ANK3: variants seen among roughly 807,000 people sequenced by gnomAD.
ANK3 encodes the protein ankyrin 3.
Under a neutral mutation model 370.9 loss-of-function variants are expected in ANK3, and 57 were observed. The observed-to-expected ratio is 0.15, with a 90% CI of 0.12 to 0.19. The LOEUF (loss-of-function observed/expected upper bound fraction) is 0.19, where lower values mean the gene tolerates loss of function less well. Among genes scored for constraint, ANK3 ranks in the 10% least tolerant of loss-of-function variants. ANK3 has a pLI of 1.00. For synonymous variants in ANK3, 1,929 were observed against 1,946.3 expected, an observed-to-expected ratio of 0.99 and a Z score of 0.23; for missense variants, 4,439 against 5,302.1, an observed-to-expected ratio of 0.84 and a Z score of 5.06.
chr10:60,097,879 A>G (rs2090450980), intron 28 of ANK3, among the ~76,000 whole-genome samples: 1 of 152,178 alleles, frequency 6.6e-6, no homozygotes, highest in Non-Finnish European at 1.5e-5. Context: ...ATCAGGGTTA[A>G]TTTCTAGTCA....
At chr10:60,234,522 A>C (rs914511293) in intron 8 of ANK3, among the ~76,000 whole-genome samples, 166 bp downstream of exon 8, 1 of 152,230 alleles carries the variant, frequency 6.6e-6, no homozygotes, top group African/African-American at 2.4e-5. Context: ...ATATAGATGG[A>C]TGGCCATACC....
At chr10:60,432,392 T>A (rs914009944) in intron 2 of ANK3, among the ~76,000 whole-genome samples, 2 of 152,170 alleles carry the variant, frequency 1.3e-5, no homozygotes, top group Non-Finnish European at 1.5e-5. Flanking sequence ...CACAAAGGTA[T>A]TCTCTGAAGG....
At chr10:60,192,139 G>A (rs955860696) in intron 16 of ANK3, among the ~76,000 whole-genome samples, 6 of 151,898 alleles carry the variant, frequency 4.0e-5, no homozygotes, top group Admixed American at 6.6e-5. Flanking sequence ...TGATCCACCC[G>A]TCTCAGTCTT....
At chr10:60,043,449 C>T in intron 42 of ANK3, 2 of 984,952 alleles carry the variant, frequency 2.0e-6, no homozygotes, top group Non-Finnish European at 2.4e-6. Context: ...GGGTAGAGAT[C>T]TGAGAAACAA....
At chr10:60,105,050 A>G (rs2091971556) in intron 28 of ANK3, among the ~76,000 whole-genome samples, 2 of 152,202 alleles carry the variant, frequency 1.3e-5, no homozygotes, top group African/African-American at 4.8e-5. Context: ...CAGTGAATTG[A>G]AAAAGAGTGG....
chr10:60,375,449 T>C (rs995773270), intron 1 of ANK3, among the ~76,000 whole-genome samples: 2 of 147,730 alleles, frequency 1.4e-5, no homozygotes, highest in African/African-American at 5.1e-5. Flanking sequence ...GCACTGCCAG[T>C]GGGAGGCCTT....
intron 16 of ANK3, among the ~76,000 whole-genome samples, chr10:60,194,891 A>G (rs935069615): frequency 1.3e-5 from 2 of 152,338 alleles, no homozygotes; most frequent in South Asian, 2.1e-4. Context: ...AAAATGATCG[A>G]AAGTTTCCAG....
rs538064293 is a variant in ANK3, at chr10:60,717,180, T to A, written c.57+16083A>T. On this transcript the variant is annotated intron_variant, in intron 1 of 43. Transcript: ENST00000373827. ...GTAAAGAAAAAATAATACCATGCTG[T>A]GAAAAGTTTAGAAAGTGAGCTCTCT... 2.6e-5 allele frequency among the ~76,000 whole-genome samples: 4 copies of A among 152,310 alleles called. No homozygotes were observed. The South Asian group carries it at 6.2e-4, about 24-fold the overall frequency.
chr10:60,052,512 AG>A (rs1806671869), intron 42 of ANK3, among the ~76,000 whole-genome samples: 1 of 152,232 alleles, frequency 6.6e-6, no homozygotes, highest in Non-Finnish European at 1.5e-5. Flanking sequence ...TAATGAAATT[AG>A]AATATAAAAT....
chr10:60,642,497 T>C (rs992421467), intron 1 of ANK3, among the ~76,000 whole-genome samples: 15 of 151,968 alleles, frequency 9.9e-5, no homozygotes, highest in Non-Finnish European at 2.2e-4. Context: ...ATGGATGAAA[T>C]TGGAAATCAT....
At chr10:60,344,244 C>T (rs886250122) in intron 1 of ANK3, among the ~76,000 whole-genome samples, 2 of 152,212 alleles carry the variant, frequency 1.3e-5, no homozygotes, top group African/African-American at 2.4e-5. Flanking sequence ...TAAGCATATT[C>T]CACATTAGTT....
chr10:60,508,842 G>A (rs1028632089), intron 2 of ANK3, among the ~76,000 whole-genome samples: 31 of 152,266 alleles, frequency 2.0e-4, no homozygotes, highest in African/African-American at 7.5e-4. Flanking sequence ...TTAATTAGAT[G>A]CAGAAGTAGA....
chr10:60,160,637 A>T (rs1204086902), intron 23 of ANK3, among the ~76,000 whole-genome samples: 2 of 152,098 alleles, frequency 1.3e-5, no homozygotes, highest in Admixed American at 6.6e-5. Context: ...GATGAACACA[A>T]ATGCAAAAAA....
chr10:60,212,566 C>T (rs1168195895), intron 9 of ANK3, among the ~76,000 whole-genome samples: 1 of 152,134 alleles, frequency 6.6e-6, no homozygotes, highest in Admixed American at 6.5e-5. Flanking sequence ...ACAATACCCT[C>T]AACAGCTCAC....
chr10:60,205,495 A>G (rs2096748865), intron 11 of ANK3, among the ~76,000 whole-genome samples: 1 of 152,200 alleles, frequency 6.6e-6, no homozygotes, highest in South Asian at 2.1e-4. Flanking sequence ...CTAGAGAAGT[A>G]CTACAGTATA....
Position 60,300,447 on chromosome 10 carries a change from A to G in ANK3, c.115-20808T>C. ...AAAATATCTGCCTTCGGAAATGTAA[A>G]GGTTTCCCCCACTTCCTAGGAAGGA... On this transcript the variant is annotated intron_variant, in intron 1 of 43. Coordinates refer to ENST00000280772, the MANE Select transcript of ANK3 (RefSeq NM_020987.5). 4 of 1,287,636 alleles carry G rather than the reference A, an allele frequency of 3.1e-6. No homozygotes were observed. In the Admixed American group the frequency reaches 9.2e-5, roughly 30 times the overall value. The allele number at this position is 1,287,636 out of a possible 1,614,324, so 79.8% of individuals were successfully genotyped here.
In ANK3 at chr10:60,208,046, G is replaced by A. The variant is rs763407504; in HGVS notation, c.1184C>T (p.Ala395Val). ...VLLDKKANPN[A>V]KALNGFTPLH... ...GGTTGAGCCACTCACCAGGGCTTTG[G>A]CATTGGGGTTAGCTTTCTTATCCAA... The change falls in exon 10 of 44, where the codon GCC becomes GTC. Residue 395 changes from alanine (A) to valine (V), a missense_variant. Around this residue, in one of 13 missense-constraint regions of ANK3, gnomAD observed 227 missense variants for 377.6 expected, o/e 0.60. Transcript: ENST00000280772. 3.1e-6 allele frequency: 5 copies of A among 1,613,488 alleles called. No individual in the cohort carries two copies. The African/African-American group carries it at 6.7e-5, about 22-fold the overall frequency.
At chr10:60,449,620 C>T (rs1412962480) in intron 2 of ANK3, among the ~76,000 whole-genome samples, 1 of 152,222 alleles carries the variant, frequency 6.6e-6, no homozygotes, top group Non-Finnish European at 1.5e-5. Context: ...ACAAGATACT[C>T]ACCTTTCTAA....
At chr10:60,196,343 T>C (rs2096585254) in intron 15 of ANK3, 100 bp from the exon 16 acceptor site, 1 of 1,132,296 alleles carries the variant, frequency 8.8e-7, no homozygotes, top group East Asian at 2.5e-5. Context: ...ACATAGGGCA[T>C]ATTTACATTC....
Sources: allele counts gnomAD v4.1 joint callset (sites outside exome capture counted in the v4.1 genomes callset), GRCh38; gene constraint gnomAD v4.1.1; regional missense constraint gnomAD v4.1.1; transcripts MANE v1.5; gene names NCBI Gene and HGNC (gene_info 2026-07-23, HGNC 2026-07-21).